Variants in DCAF6 observed in about 807,000 individuals in gnomAD.
DCAF6 encodes the protein DDB1 and CUL4 associated factor 6.
In DCAF6, 54 loss-of-function variants were observed where a neutral mutation model predicts 125.1. The observed-to-expected ratio is 0.43, with a 90% CI of 0.35 to 0.54. The LOEUF is 0.54. Among genes scored for constraint, DCAF6 ranks in the 20% least tolerant of loss-of-function variants. DCAF6 has a pLI of 0.01. For synonymous variants in DCAF6, 371 were observed against 390.4 expected, an observed-to-expected ratio of 0.95 and a Z score of 0.58; for missense variants, 934 against 1,161.7, an observed-to-expected ratio of 0.80 and a Z score of 2.85.
At chr1:168,014,651 G>T (rs1684721802) in intron 10 of DCAF6, among the ~76,000 whole-genome samples, 1 of 151,920 alleles carries the variant, frequency 6.6e-6, no homozygotes, top group Non-Finnish European at 1.5e-5. Flanking sequence ...TGTTTTTCCC[G>T]TTACCTAGGC....
At chr1:168,050,957 A>ATTT in intron 17 of DCAF6, 24 bp downstream of exon 17, 3 of 1,238,368 alleles carry the variant, frequency 2.4e-6, no homozygotes, top group South Asian at 4.2e-5. Context: ...TTCCTTCATA[A>ATTT]TTTTTTTTTT....
At chr1:167,982,512 A>T (rs1679352293) in intron 4 of DCAF6, among the ~76,000 whole-genome samples, 1 of 152,184 alleles carries the variant, frequency 6.6e-6, no homozygotes, top group Admixed American at 6.5e-5. Context: ...AAGTGCTGAG[A>T]TTACAGGCAT....
chr1:167,937,350 C>A (rs1456535823), intron 1 of DCAF6: 1 of 275,050 alleles, frequency 3.6e-6, no homozygotes. Flanking sequence ...AAAGTTAGCT[C>A]TTTTGCTCTT....
At chr1:167,932,534 T>C (rs897301475), upstream of DCAF6, among the ~76,000 whole-genome samples, 1 of 151,326 alleles carries the variant, frequency 6.6e-6, no homozygotes, top group African/African-American at 2.4e-5. Flanking sequence ...TTGGGCCGGG[T>C]GTGGTTGCTC....
At chr1:168,041,260 C>T (rs1688496752) in intron 13 of DCAF6, among the ~76,000 whole-genome samples, 1 of 151,914 alleles carries the variant, frequency 6.6e-6, no homozygotes, top group Admixed American at 6.6e-5. Context: ...GCCCAGTTTT[C>T]TATGGTGTTT....
intron 10 of DCAF6, among the ~76,000 whole-genome samples, chr1:168,009,280 G>A (rs1683837661): frequency 1.3e-5 from 2 of 151,918 alleles, no homozygotes; most frequent in South Asian, 4.2e-4. Flanking sequence ...TTACAGGCGT[G>A]AGCCACTGTG....
intron 4 of DCAF6, among the ~76,000 whole-genome samples, chr1:167,979,414 TTC>T (rs1260989969): frequency 3.9e-5 from 6 of 152,314 alleles, no homozygotes; most frequent in Middle Eastern, 6.8e-3. Flanking sequence ...TCATTCTACT[TTC>T]TGTTTCTAAG....
At chr1:167,902,192 C>T in the DCAF6 span, 2 of 875,754 alleles carry the variant, frequency 2.3e-6, no homozygotes, top group South Asian at 1.5e-5. Flanking sequence ...AGATCTCATC[C>T]CAGACAAGCC....
chr1:167,920,010 C>A, the DCAF6 span: 1 of 1,613,370 alleles, frequency 6.2e-7, no homozygotes, highest in Non-Finnish European at 8.5e-7. Flanking sequence ...GAGGCTCCTG[C>A]TGCCCCCACA....
In DCAF6 at chr1:168,017,564, T is replaced by C. The variant is rs375711919; in HGVS notation, c.1549+1613T>C. On this transcript the variant is annotated intron_variant, in intron 11 of 21. Transcript: ENST00000367840. ...GTGTGGTTTCTGTGAAGTAAGATGC[T>C]GTCTTTCCAACTCTTAAGTGTTTTC... Among the ~76,000 whole-genome samples the C allele has an allele frequency of 7.8e-4, 119 of 152,248 alleles. 1 individual carries two copies. In the South Asian group the frequency reaches 0.023, roughly 29 times the overall value.
intron 9 of DCAF6, among the ~76,000 whole-genome samples, chr1:168,004,255 A>G (rs1422539543): frequency 5.9e-5 from 9 of 152,218 alleles, no homozygotes; most frequent in African/African-American, 1.4e-4. Flanking sequence ...CCTTTTTTTA[A>G]TGCACTCTGA....
chr1:168,021,109 CT>C (rs1231496055), intron 11 of DCAF6, among the ~76,000 whole-genome samples: 1 of 152,032 alleles, frequency 6.6e-6, no homozygotes, highest in African/African-American at 2.4e-5. Context: ...CATTCTATAT[CT>C]TTCATTAATA....
At chr1:168,030,076 C>G (rs748090998) in intron 12 of DCAF6, among the ~76,000 whole-genome samples, 28 of 152,026 alleles carry the variant, frequency 1.8e-4, no homozygotes, top group African/African-American at 6.0e-4. Flanking sequence ...CTCTGGCATC[C>G]GTGATCATAA....
At chr1:167,875,271 A>G in the DCAF6 span, 13 of 1,402,190 alleles carry the variant, frequency 9.3e-6, no homozygotes, top group South Asian at 1.5e-4. Flanking sequence ...AGTTCCCAGA[A>G]AGTTTCCTTC....
chr1:168,012,246 G>A (rs147425187), intron 10 of DCAF6, among the ~76,000 whole-genome samples: 8 of 152,328 alleles, frequency 5.3e-5, no homozygotes, highest in Admixed American at 1.3e-4. Context: ...GAGGCAGGAT[G>A]TGAGGTTAGA....
the DCAF6 span, chr1:167,878,634 G>T: frequency 1.2e-6 from 2 of 1,613,684 alleles, no homozygotes; most frequent in Non-Finnish European, 1.7e-6. Context: ...TTTGACCAAT[G>T]ACTATAGCAA....
chr1:168,023,287 C>T (rs1685893994), intron 12 of DCAF6: 1 of 556,172 alleles, frequency 1.8e-6, no homozygotes, highest in Middle Eastern at 4.7e-4. Flanking sequence ...TGAACTCTCT[C>T]CCTATAACAA....
At chr1:167,912,641 CCTCT>C in the DCAF6 span, among the ~76,000 whole-genome samples, 2 of 152,232 alleles carry the variant, frequency 1.3e-5, no homozygotes, top group East Asian at 1.9e-4. Context: ...AGCCCCCCTC[CCTCT>C]GTCTCTGTAT....
chr1:167,908,606 TTTAA>T, the DCAF6 span, among the ~76,000 whole-genome samples: 1 of 152,246 alleles, frequency 6.6e-6, no homozygotes, highest in East Asian at 1.9e-4. Flanking sequence ...ATTACCTTGA[TTTAA>T]TTATTTCATA....
Sources: allele counts gnomAD v4.1 joint callset (sites outside exome capture counted in the v4.1 genomes callset), GRCh38; gene constraint gnomAD v4.1.1; transcripts MANE v1.5; gene names NCBI Gene and HGNC (gene_info 2026-07-23, HGNC 2026-07-21).